RBM38: variants seen among roughly 807,000 people sequenced by gnomAD.
RBM38 encodes the protein RNA-binding protein 38.
RBM38 carries 11 observed loss-of-function variants against 23.5 expected under a neutral mutation model. That is an observed-to-expected ratio of 0.47 (90% CI 0.29 to 0.77). The LOEUF is 0.77. Ranked by LOEUF, RBM38 falls within the 30% of genes least tolerant of loss-of-function variation. The pLI is 0.08. For missense variants in RBM38, 330 were observed against 351.9 expected (o/e 0.94, Z 0.50); for synonymous variants, 165 against 166.1 (o/e 0.99, Z 0.05).
rs539435575 is a variant in RBM38, at chr20:57,401,852, C to T, written c.417-5691C>T. Among the ~76,000 whole-genome samples, 7 of 152,272 alleles carry T rather than the reference C, an allele frequency of 4.6e-5. No individual in the cohort carries two copies. The East Asian group carries it at 7.7e-4, about 17-fold the overall frequency. ...GAAGAGGTAGGTTGAGGCCTAATAACGCAGGAAGCCACAAGGGAGCAGTTT... is the reference window on the plus strand; with the variant it reads ...GAAGAGGTAGGTTGAGGCCTAATAATGCAGGAAGCCACAAGGGAGCAGTTT... On this transcript the variant is annotated intron_variant, in intron 3 of 3. Coordinates refer to ENST00000356208, the MANE Select transcript of RBM38 (RefSeq NM_017495.6).
intron 3 of RBM38, among the ~76,000 whole-genome samples, chr20:57,395,169 TCTTA>T (rs997185915): frequency 1.2e-4 from 18 of 152,170 alleles, no homozygotes. Context: ...CTGAAACCAT[TCTTA>T]CTTTATAGAT....
intron 3 of RBM38, among the ~76,000 whole-genome samples, chr20:57,405,287 C>T (rs1391867250): frequency 6.6e-6 from 1 of 152,340 alleles, no homozygotes; most frequent in Admixed American, 6.5e-5. Context: ...GTGGTCTGCT[C>T]CTCTCTGCAT....
chr20:57,393,467 A>C (rs760016625), intron 3 of RBM38, 134 bp downstream of exon 3: 2 of 999,194 alleles, frequency 2.0e-6, no homozygotes, highest in Admixed American at 3.6e-5. Context: ...CAAGGGAGTG[A>C]AGAGAAGGCA....
chr20:57,395,605 T>C (rs2067265973), intron 3 of RBM38, among the ~76,000 whole-genome samples: 1 of 152,078 alleles, frequency 6.6e-6, no homozygotes, highest in Non-Finnish European at 1.5e-5. Context: ...TCCTGGGAGA[T>C]CTGAACTCAA....
chr20:57,407,608 C>A lies in RBM38; in HGVS notation c.482C>A (p.Pro161His). Residue 161 changes from proline (P) to histidine (H), a missense_variant, in exon 4 of 4, where the codon CCT (proline) becomes CAT (histidine). Physicochemically the swap from Pro to His is moderately conservative, Grantham distance 77. Coordinates refer to ENST00000356208, the MANE Select transcript of RBM38 (RefSeq NM_017495.6). The surrounding 1 kb of genome is among the most constrained non-coding windows in gnomAD (Gnocchi z 4.0). ...VQPSVVIPAAPVPSLSSPYIE... is the reference protein window; with the variant it reads ...VQPSVVIPAAHVPSLSSPYIE... Reference sequence around the variant, plus strand: ...CCCAGCGTGGTGATCCCAGCCGCCCCTGTCCCGTCGCTGTCCTCGCCCTAC... The same window carrying A: ...CCCAGCGTGGTGATCCCAGCCGCCCATGTCCCGTCGCTGTCCTCGCCCTAC... The A allele has an allele frequency of 6.2e-7, 1 of 1,613,796 alleles. No homozygotes were observed.
rs574517133 is a variant in RBM38 at position 57,400,659 on chromosome 20, G to A, written c.417-6884G>A. On this transcript the variant is annotated intron_variant, in intron 3 of 3. Transcript: ENST00000356208. ...TGGGGGGTCTGTCCCACCCATTCCT[G>A]TGGTTTCTTCCTTGGCTCTGCCTGG... Among the ~76,000 whole-genome samples the A allele has an allele frequency of 2.8e-3, 423 of 152,282 alleles. 2 individuals are homozygous for A. Among genetic ancestry groups the A allele is most frequent in the African/African-American group, 9.6e-3 (397 of 41,552 alleles).
chr20:57,396,277 C>T (rs776028988), intron 3 of RBM38, among the ~76,000 whole-genome samples: 5 of 152,210 alleles, frequency 3.3e-5, no homozygotes, highest in Non-Finnish European at 7.3e-5. Context: ...GAGCCTTCCT[C>T]GGCAGTGGCA....
chr20:57,407,341 G>A lies in RBM38; in HGVS notation c.417-202G>A, dbSNP rs1287181673. 6.6e-6 allele frequency among the ~76,000 whole-genome samples: 1 copy of A among 152,164 alleles called. No homozygotes were observed. The highest frequency in any genetic ancestry group is 1.5e-5 in the Non-Finnish European group (1 of 68,012). On this transcript the variant is annotated intron_variant, in intron 3 of 3. Transcript: ENST00000356208. The surrounding 1 kb of genome is among the most constrained non-coding windows in gnomAD (Gnocchi z 4.0). Reference sequence around the variant, plus strand: ...AGAAGGAGACATGGAGTGGAGGAGGGAGCCTGGTGGTTAGTGCAGACAGTC... The same window carrying A: ...AGAAGGAGACATGGAGTGGAGGAGGAAGCCTGGTGGTTAGTGCAGACAGTC...
intron 1 of RBM38, 75 bp downstream of exon 1, chr20:57,391,893 G>C (rs547145396): frequency 3.5e-6 from 4 of 1,135,298 alleles, no homozygotes; most frequent in Middle Eastern, 3.3e-4. Context: ...TCCACTCCGG[G>C]GCACACGCCC....
At position 57,407,927 on chromosome 20, in the gene RBM38, G is replaced by A; in HGVS notation, c.*81G>A. 6.8e-7 allele frequency: 1 copy of A among 1,465,316 alleles called. No homozygotes were observed. Among genetic ancestry groups the A allele is most frequent in the East Asian group, 2.5e-5 (1 of 40,230 alleles). 90.8% of individuals were successfully genotyped at this position (1,465,316 alleles called of 1,614,324 possible). On this transcript the variant is annotated 3_prime_UTR_variant, in exon 4 of 4. Coordinates refer to ENST00000356208, the MANE Select transcript of RBM38 (RefSeq NM_017495.6). The surrounding 1 kb of genome is among the most constrained non-coding windows in gnomAD (Gnocchi z 4.0). ...GCCAGGCCATGATGGGCTGGCGACA[G>A]CCCGGCTGAGCTTCAGTGAGGTGCC...
chr20:57,393,224 C>G (rs1600743270), intron 2 of RBM38, 55 bp from the exon 3 acceptor site: 1 of 1,559,556 alleles, frequency 6.4e-7, no homozygotes, highest in East Asian at 2.2e-5. Flanking sequence ...GTGTGCAGCC[C>G]TTGAGACGTG....
intron 3 of RBM38, among the ~76,000 whole-genome samples, chr20:57,395,358 C>A (rs990108934): frequency 2.0e-5 from 3 of 152,098 alleles, no homozygotes; most frequent in South Asian, 2.1e-4. Context: ...CCTGGCCCGA[C>A]CTTTCCCTTG....
At chr20:57,392,957 G>T (rs1273861248) in intron 2 of RBM38, 180 bp downstream of exon 2, 2 of 867,514 alleles carry the variant, frequency 2.3e-6, no homozygotes, top group East Asian at 2.6e-5. Context: ...TTCTCACAGC[G>T]TGTGGCCCAA....
intron 3 of RBM38, among the ~76,000 whole-genome samples, chr20:57,406,293 C>A (rs2067382676): frequency 6.6e-6 from 1 of 152,188 alleles, no homozygotes; most frequent in South Asian, 2.1e-4. Flanking sequence ...TCATTTCCCC[C>A]TGTGCTGAGG....
chr20:57,395,517 C>T (rs530900952), intron 3 of RBM38, among the ~76,000 whole-genome samples: 36 of 152,248 alleles, frequency 2.4e-4, no homozygotes, highest in East Asian at 2.1e-3. Context: ...ATGAAGAGGC[C>T]GCAGACTCTA....
In RBM38 at chr20:57,407,738, C is replaced by A; in HGVS notation, c.612C>A (p.Gly204=). 6.2e-7 allele frequency: 1 copy of A among 1,611,440 alleles called. No individual in the cohort carries two copies. Among genetic ancestry groups the A allele is most frequent in the Non-Finnish European group, 8.5e-7 (1 of 1,179,606 alleles). ...CTGCCACGGCTGCCAGCTTCGTGGG[C>A]TACAGCTACCCTGCCGCCGTGCCCC... ...ASPATAASFV[G]YSYPAAVPQA... The change falls in exon 4 of 4, where the codon GGC becomes GGA. Residue 204 remains glycine, a synonymous_variant. Coordinates refer to ENST00000356208, the MANE Select transcript of RBM38 (RefSeq NM_017495.6). The surrounding 1 kb of genome is among the most constrained non-coding windows in gnomAD (Gnocchi z 4.0).
intron 3 of RBM38, among the ~76,000 whole-genome samples, chr20:57,399,208 C>T (rs1018270559): frequency 2.6e-5 from 4 of 152,314 alleles, no homozygotes; most frequent in Non-Finnish European, 5.9e-5. Context: ...TTTGATGACC[C>T]AGGGAGGCAC....
chr20:57,395,245 C>T (rs1007154953), intron 3 of RBM38, among the ~76,000 whole-genome samples: 1 of 151,884 alleles, frequency 6.6e-6, no homozygotes, highest in African/African-American at 2.4e-5. Context: ...GTGGCAGGGC[C>T]AGGGTGGGGA....
chr20:57,408,279 A>T lies in RBM38; in HGVS notation c.*433A>T, dbSNP rs569060326. 12 of 230,590 alleles carry T rather than the reference A, an allele frequency of 5.2e-5. No individual in the cohort carries two copies. The South Asian group carries it at 8.5e-4, about 16-fold the overall frequency. 14.3% of individuals were successfully genotyped at this position (230,590 alleles called of 1,614,324 possible). A position where few individuals can be genotyped will look rare whatever the true frequency, so the allele number is the denominator to read the frequency against. ...GACTCCAGGGAAACCTGAAAGCAAG[A>T]AGTTAATGGACTGTTTATTGTAACT... On this transcript the variant is annotated 3_prime_UTR_variant, in exon 4 of 4. Transcript: ENST00000356208.
Sources: allele counts gnomAD v4.1 joint callset (sites outside exome capture counted in the v4.1 genomes callset), GRCh38; gene constraint gnomAD v4.1.1; non-coding constraint Gnocchi (gnomAD v3.1); transcripts MANE v1.5; gene names NCBI Gene and HGNC (gene_info 2026-07-23, HGNC 2026-07-21).